Variants in POLK observed in about 807,000 individuals in gnomAD.
POLK encodes the protein DNA polymerase kappa.
Under a neutral mutation model 94.0 loss-of-function variants are expected in POLK, and 76 were observed. That is an observed-to-expected ratio of 0.81 (90% CI 0.67 to 0.98). The LOEUF (loss-of-function observed/expected upper bound fraction) is 0.98. POLK is among the 50% of genes least tolerant of loss of function. The probability of loss-of-function intolerance (pLI) is 0.00; values close to 1 mark genes in which losing one functional copy is unlikely to be tolerated. For synonymous variants in POLK, 349 were observed against 325.4 expected (o/e 1.07, Z -0.78); for missense variants, 954 against 1,010.1 (o/e 0.94, Z 0.75).
rs1290917270 is a variant in POLK at position 75,573,778 on chromosome 5, C to A, written c.449C>A (p.Ala150Glu). The A allele has an allele frequency of 1.9e-6, 3 of 1,612,530 alleles. No individual in the cohort carries two copies. In the African/African-American group the frequency reaches 4.0e-5, roughly 22 times the overall value. ...CATGCAAGGAGATTTGGTGTTCGTG[C>A]AGCCATGCCAGGATTTATTGCTAAG... The change falls in exon 5 of 15, where the codon GCA (alanine) becomes GAA (glutamate). Residue 150 changes from alanine (A) to glutamate (E), a missense_variant. By Grantham distance (107) the Ala-to-Glu change is moderately radical. Transcript: ENST00000241436.
chr5:75,511,697 G>T, upstream of POLK: 1 of 1,505,942 alleles, frequency 6.6e-7, no homozygotes, highest in Non-Finnish European at 8.9e-7. Flanking sequence ...TCCCCGCCCC[G>T]TCCCCCTCCC....
intron 10 of POLK, among the ~76,000 whole-genome samples, chr5:75,587,343 T>A (rs1044091454): frequency 6.6e-5 from 10 of 152,154 alleles, no homozygotes; most frequent in Non-Finnish European, 1.3e-4. Flanking sequence ...TCTAGCTTGT[T>A]TATAAGGACA....
chr5:75,529,918 C>T (rs1428883797), intron 1 of POLK, among the ~76,000 whole-genome samples: 1 of 152,142 alleles, frequency 6.6e-6, no homozygotes, highest in East Asian at 1.9e-4. Context: ...TACAATAGAA[C>T]TATCAGCACA....
At chr5:75,548,667 A>T (rs1307577839) in intron 2 of POLK, among the ~76,000 whole-genome samples, 1 of 151,896 alleles carries the variant, frequency 6.6e-6, no homozygotes, top group Non-Finnish European at 1.5e-5. Flanking sequence ...ATGCGTGGTG[A>T]TGTCCACAGC....
At chr5:75,587,241 A>G (rs1344485393) in intron 10 of POLK, among the ~76,000 whole-genome samples, 183 bp downstream of exon 10, 1 of 152,172 alleles carries the variant, frequency 6.6e-6, no homozygotes, top group Non-Finnish European at 1.5e-5. Context: ...TTCAGTTGCT[A>G]TAATCTCAAA....
chr5:75,559,904 CA>C (rs922895226), intron 3 of POLK, among the ~76,000 whole-genome samples: 1 of 151,098 alleles, frequency 6.6e-6, no homozygotes, highest in Non-Finnish European at 1.5e-5. Context: ...AAAACAAAAC[CA>C]AAAAAACACA....
chr5:75,596,569 G>T, exon 13 of POLK: 1 of 1,613,810 alleles, frequency 6.2e-7, no homozygotes, highest in Non-Finnish European at 8.5e-7. Flanking sequence ...TACCTGTCCT[G>T]TTTGCTTTAG....
chr5:75,530,306 T>C (rs542831711), intron 1 of POLK, among the ~76,000 whole-genome samples: 1 of 145,236 alleles, frequency 6.9e-6, no homozygotes, highest in African/African-American at 2.5e-5. Context: ...CTGGAGTGCA[T>C]TGGCACGATC....
intron 1 of POLK, among the ~76,000 whole-genome samples, chr5:75,513,249 C>T (rs966840542): frequency 6.6e-6 from 1 of 152,114 alleles, no homozygotes; most frequent in African/African-American, 2.4e-5. Context: ...TTGATGAGTT[C>T]TTTTACTAAT....
chr5:75,603,313 T>G (rs1773339156), downstream of POLK, among the ~76,000 whole-genome samples: 1 of 152,148 alleles, frequency 6.6e-6, no homozygotes, highest in Non-Finnish European at 1.5e-5. Context: ...CCCTTATCAG[T>G]TGTCTAAACT....
At chr5:75,512,158 A>C in intron 1 of POLK, 2 of 208,154 alleles carry the variant, frequency 9.6e-6, no homozygotes, top group Non-Finnish European at 9.8e-6. Flanking sequence ...CGCCTCAACC[A>C]TGGGCTGGGG....
intron 1 of POLK, among the ~76,000 whole-genome samples, chr5:75,532,188 G>A (rs1286034565): frequency 2.6e-5 from 4 of 152,166 alleles, no homozygotes; most frequent in African/African-American, 9.7e-5. Context: ...TTGTCACCCA[G>A]GTAATAAGCA....
intron 6 of POLK, among the ~76,000 whole-genome samples, chr5:75,578,861 G>A (rs1205410055): frequency 2.0e-5 from 3 of 152,160 alleles, no homozygotes; most frequent in Non-Finnish European, 4.4e-5. Flanking sequence ...AAATCTGGAT[G>A]GTGAGTGCCA....
downstream of POLK, among the ~76,000 whole-genome samples, chr5:75,601,542 A>G (rs1995267): frequency 0.41 from 62,964 of 152,104 alleles, 18,087 homozygotes; most frequent in African/African-American, 0.82. Context: ...CATCTAATCA[A>G]CTGCCAGCAT....
At position 75,584,792 on chromosome 5, in the gene POLK, G is replaced by T. The variant is rs1356658137; in HGVS notation, c.1092G>T (p.Met364Ile). The T allele has an allele frequency of 2.5e-6, 4 of 1,573,854 alleles. No individual in the cohort carries two copies. The Admixed American group carries it at 5.5e-5, about 22-fold the overall frequency. The change falls in exon 9 of 15, where the codon ATG (methionine) becomes ATT (isoleucine). Residue 364 changes from methionine to isoleucine, a missense_variant. Coordinates refer to ENST00000241436, the Ensembl canonical transcript of POLK. ...GAATAGGAAAAGTTACAGAGAAAATGTTAAAGGCCCTTGGAATTATTACAT... is the reference window on the plus strand; with the variant it reads ...GAATAGGAAAAGTTACAGAGAAAATTTTAAAGGCCCTTGGAATTATTACAT...
chr5:75,597,029 G>T (rs1331153599), exon 13 of POLK: 2 of 1,613,882 alleles, frequency 1.2e-6, no homozygotes. Flanking sequence ...GCTCTAGTTT[G>T]TCCTGTTTGT....
At chr5:75,517,040 A>G (rs1308092418) in intron 1 of POLK, among the ~76,000 whole-genome samples, 1 of 152,160 alleles carries the variant, frequency 6.6e-6, no homozygotes, top group Non-Finnish European at 1.5e-5. Context: ...TCATTTGGTT[A>G]CTATAGCTTT....
chr5:75,523,033 C>G (rs2112542420), intron 1 of POLK, among the ~76,000 whole-genome samples: 1 of 152,218 alleles, frequency 6.6e-6, no homozygotes, highest in African/African-American at 2.4e-5. Flanking sequence ...CAAAGCTGAG[C>G]TGATTTATAT....
rs745529078 is a variant in POLK, at chr5:75,581,459, G to GA, written c.934+12dup. 6.2e-7 allele frequency: 1 copy of GA among 1,608,452 alleles called. No individual in the cohort carries two copies. The highest frequency in any genetic ancestry group is 1.1e-5 in the South Asian group (1 of 90,818). ...TGACAGCCAGTGCAGGTATTTAAAA[G>GA]AGTATTGATGGCCACTGTAGTTATA... On this transcript the variant is annotated intron_variant, in intron 7 of 14. Transcript: ENST00000241436.
Sources: gnomAD v4.1 joint callset for allele counts (sites outside exome capture counted in the v4.1 genomes callset) on GRCh38, gnomAD v4.1.1 for gene constraint, MANE v1.5 for transcripts, NCBI Gene and HGNC (gene_info 2026-07-23, HGNC 2026-07-21) for gene names.